The following EEIG2 variants were observed in gnomAD, a reference collection of about 807,000 sequenced individuals.
EEIG2 encodes family with sequence similarity 102 member B.
chr1:108,570,109 CAAG>C, the EEIG2 span, among the ~76,000 whole-genome samples: 1 of 152,032 alleles, frequency 6.6e-6, no homozygotes, highest in Non-Finnish European at 1.5e-5. Context: ...AATATAAACT[CAAG>C]AATAGGTAGA....
the EEIG2 span, chr1:108,628,900 C>A: frequency 9.6e-7 from 1 of 1,046,516 alleles, no homozygotes; most frequent in Non-Finnish European, 1.4e-6. Flanking sequence ...ATAATACTGA[C>A]TGTTGCATAT....
chr1:108,614,762 A>C, the EEIG2 span, among the ~76,000 whole-genome samples: 1 of 152,168 alleles, frequency 6.6e-6, no homozygotes, highest in African/African-American at 2.4e-5. Flanking sequence ...TCAACATATA[A>C]AGAAACAGCT....
chr1:108,585,703 A>C, the EEIG2 span, among the ~76,000 whole-genome samples: 1 of 152,108 alleles, frequency 6.6e-6, no homozygotes, highest in Non-Finnish European at 1.5e-5. Flanking sequence ...TTTGATTATA[A>C]GTTACTTCAT....
chr1:108,560,852 T>C, the EEIG2 span, among the ~76,000 whole-genome samples: 1 of 152,092 alleles, frequency 6.6e-6, no homozygotes, highest in Non-Finnish European at 1.5e-5. Context: ...TCTTAAGACA[T>C]TTCCATATTT....
chr1:108,583,448 CTT>C, the EEIG2 span, among the ~76,000 whole-genome samples: 17 of 143,594 alleles, frequency 1.2e-4, no homozygotes, highest in Admixed American at 1.4e-4. Context: ...AACCCTCCTG[CTT>C]TTTTTTTTTT....
At chr1:108,580,699 T>C in the EEIG2 span, among the ~76,000 whole-genome samples, 3 of 152,032 alleles carry the variant, frequency 2.0e-5, no homozygotes, top group Admixed American at 2.0e-4. Flanking sequence ...TTAAGCCTAC[T>C]CCCTAACTCT....
At chr1:108,626,224 G>A in the EEIG2 span, 1 of 152,144 alleles carries the variant, frequency 6.6e-6, no homozygotes, top group Non-Finnish European at 1.5e-5. Flanking sequence ...AAATGTAAAT[G>A]TGATTCTGTG....
chr1:108,575,795 G>T, the EEIG2 span, among the ~76,000 whole-genome samples: 1 of 152,212 alleles, frequency 6.6e-6, no homozygotes, highest in African/African-American at 2.4e-5. Flanking sequence ...TTAGTGGTTG[G>T]CTAGGGCTGA....
chr1:108,581,350 A>T, the EEIG2 span, among the ~76,000 whole-genome samples: 1 of 152,224 alleles, frequency 6.6e-6, no homozygotes, highest in Admixed American at 6.5e-5. Flanking sequence ...CAGCTTGTGG[A>T]TCAAAAAGTA....
the EEIG2 span, among the ~76,000 whole-genome samples, chr1:108,615,111 A>G: frequency 2.6e-5 from 4 of 152,264 alleles, no homozygotes; most frequent in African/African-American, 9.6e-5. Context: ...GCTGCAGAAC[A>G]TACAACAATG....
the EEIG2 span, among the ~76,000 whole-genome samples, chr1:108,593,216 T>C: frequency 6.6e-6 from 1 of 152,162 alleles, no homozygotes; most frequent in Non-Finnish European, 1.5e-5. Context: ...AGTCCAGGGC[T>C]ACATGTTTCT....
At chr1:108,612,225 T>TA in the EEIG2 span, 1 of 1,613,622 alleles carries the variant, frequency 6.2e-7, no homozygotes, top group South Asian at 1.1e-5. Context: ...GATCAGGAAA[T>TA]ACCACTCGCC....
the EEIG2 span, among the ~76,000 whole-genome samples, chr1:108,629,164 A>G: frequency 4.5e-4 from 69 of 152,352 alleles, 1 homozygote; most frequent in East Asian, 0.011. Context: ...TCTTAGAACA[A>G]TAGTGAATAA....
chr1:108,562,405 ATTTGAT>A, the EEIG2 span, among the ~76,000 whole-genome samples: 3 of 152,194 alleles, frequency 2.0e-5, no homozygotes, highest in African/African-American at 7.2e-5. Context: ...ACTTTGATCA[ATTTGAT>A]TTTAAGTAAG....
the EEIG2 span, among the ~76,000 whole-genome samples, chr1:108,619,763 G>T: frequency 6.6e-6 from 1 of 152,100 alleles, no homozygotes; most frequent in Admixed American, 6.6e-5. Flanking sequence ...GTGGTGGTGC[G>T]CCTGTCGTCC....
the EEIG2 span, among the ~76,000 whole-genome samples, chr1:108,586,489 A>G: frequency 5.9e-5 from 9 of 152,122 alleles, no homozygotes; most frequent in African/African-American, 1.9e-4. Context: ...ATTACTTTCA[A>G]CATCCCTTCA....
chr1:108,632,931 A>G, the EEIG2 span, among the ~76,000 whole-genome samples: 2 of 143,992 alleles, frequency 1.4e-5, no homozygotes, highest in Non-Finnish European at 3.0e-5. Flanking sequence ...ACAGGCATGC[A>G]CCACCATGCC....
chr1:108,618,836 CAA>C, the EEIG2 span, among the ~76,000 whole-genome samples: 7 of 141,412 alleles, frequency 5.0e-5, no homozygotes, highest in African/African-American at 5.3e-5. Flanking sequence ...GCCCCTGTCT[CAA>C]AAAAAAAAAA....
chr1:108,565,550 A>G, the EEIG2 span, among the ~76,000 whole-genome samples: 2 of 152,228 alleles, frequency 1.3e-5, no homozygotes, highest in Non-Finnish European at 2.9e-5. Context: ...CTACTTAAAC[A>G]AAGGAATAAT....
Sources: gnomAD v4.1 joint callset for allele counts (sites outside exome capture counted in the v4.1 genomes callset) on GRCh38, gnomAD v4.1.1 for gene constraint, MANE v1.5 for transcripts, NCBI Gene and HGNC (gene_info 2026-07-23, HGNC 2026-07-21) for gene names.